The following DNAI7 variants were observed in gnomAD, a reference collection of about 807,000 sequenced individuals.
DNAI7 encodes cancer susceptibility 1.
DNAI7 carries 78 observed loss-of-function variants against 86.6 expected under a neutral mutation model. That is an observed-to-expected ratio of 0.90 (90% CI 0.75 to 1.09). The LOEUF is 1.09. Ranked by LOEUF, DNAI7 falls within the 50% of genes least tolerant of loss-of-function variation. The pLI, the probability that DNAI7 is intolerant of heterozygous loss-of-function variation, is 0.00. For missense variants in DNAI7, 753 were observed against 810.2 expected (o/e 0.93, Z 0.86); for synonymous variants, 274 against 273.0 (o/e 1.00, Z -0.04).
intron 2 of DNAI7, among the ~76,000 whole-genome samples, chr12:25,166,748 C>G (rs144616944): frequency 2.2e-4 from 33 of 152,164 alleles, no homozygotes; most frequent in African/African-American, 3.1e-4. Flanking sequence ...TTCTGTCCAA[C>G]TTGACCTTAC....
chr12:25,176,269 T>C (rs1286814505), intron 2 of DNAI7, among the ~76,000 whole-genome samples: 1 of 152,158 alleles, frequency 6.6e-6, no homozygotes, highest in Admixed American at 6.5e-5. Flanking sequence ...GATCCTTTTA[T>C]ATTTGTTATA....
chr12:25,141,080 T>C (rs578209287), intron 9 of DNAI7, among the ~76,000 whole-genome samples: 11 of 152,260 alleles, frequency 7.2e-5, no homozygotes, highest in African/African-American at 2.6e-4. Context: ...ATCAAAGACT[T>C]AAATCTAAGA....
At chr12:25,110,903 G>C (rs916779831) in intron 14 of DNAI7, among the ~76,000 whole-genome samples, 5 of 151,998 alleles carry the variant, frequency 3.3e-5, no homozygotes, top group African/African-American at 1.2e-4. Context: ...ATAGTGCCTA[G>C]CACACAGTGT....
chr12:25,177,691 G>A (rs147638805), intron 2 of DNAI7, among the ~76,000 whole-genome samples: 5 of 152,166 alleles, frequency 3.3e-5, no homozygotes, highest in East Asian at 1.9e-4. Context: ...TGATGGGTAC[G>A]TACATTTTCA....
In DNAI7 at chr12:25,154,434, T is replaced by C. The variant is rs551948003; in HGVS notation, c.323A>G (p.Asp108Gly). The C allele has an allele frequency of 4.8e-5, 77 of 1,610,010 alleles. No homozygotes were observed. In the Admixed American group the frequency reaches 9.7e-4, roughly 20 times the overall value. ...LSQWKHYIQCDGSPDPSVAQE... is the reference protein window; with the variant it reads ...LSQWKHYIQCGGSPDPSVAQE... ...GGCTACTGAAGGATCAGGACTCCCA[T>C]CACATTGAATGTAGTGCTTCCACTG... Residue 108 changes from aspartate (D) to glycine (G), a missense_variant, in exon 6 of 16, where the codon GAT becomes GGT. Coordinates refer to ENST00000395987, the MANE Select transcript of DNAI7 (RefSeq NM_018272.5).
intron 1 of DNAI7, among the ~76,000 whole-genome samples, chr12:25,193,202 T>C (rs1950692566): frequency 6.6e-6 from 1 of 152,062 alleles, no homozygotes; most frequent in African/African-American, 2.4e-5. Flanking sequence ...CCCCAGTACT[T>C]CAGAATTTGA....
intron 2 of DNAI7, among the ~76,000 whole-genome samples, chr12:25,189,588 GC>G (rs1183042211): frequency 6.6e-6 from 1 of 152,174 alleles, no homozygotes; most frequent in Non-Finnish European, 1.5e-5. Flanking sequence ...GTTGCAGTAA[GC>G]CAAGACCATG....
intron 9 of DNAI7, among the ~76,000 whole-genome samples, chr12:25,125,529 T>C (rs1233813385): frequency 6.6e-6 from 1 of 152,208 alleles, no homozygotes; most frequent in African/African-American, 2.4e-5. Flanking sequence ...GCCAGATGCA[T>C]AGTTTGCAAA....
chr12:25,159,696 T>C (rs1232151025), intron 3 of DNAI7, among the ~76,000 whole-genome samples: 1 of 152,012 alleles, frequency 6.6e-6, no homozygotes, highest in Non-Finnish European at 1.5e-5. Context: ...AAACAAAATG[T>C]GAAGTACATA....
intron 9 of DNAI7, among the ~76,000 whole-genome samples, chr12:25,124,013 A>C (rs16928469): frequency 0.024 from 3,348 of 142,172 alleles, 102 homozygotes; most frequent in African/African-American, 0.081. Context: ...AGATAAATGC[A>C]GTGTTGCTAG....
chr12:25,175,823 T>C (rs1948895253), intron 2 of DNAI7, among the ~76,000 whole-genome samples: 1 of 151,736 alleles, frequency 6.6e-6, no homozygotes, highest in Admixed American at 6.6e-5. Context: ...CTCACACCTG[T>C]AATCCCAGCA....
At position 25,112,995 on chromosome 12, in the gene DNAI7, T is replaced by C. The variant is rs151022139; in HGVS notation, c.1612-1056A>G. Among the ~76,000 whole-genome samples the C allele has an allele frequency of 3.0e-4, 46 of 152,246 alleles. 1 individual carries two copies. The East Asian group carries it at 8.9e-3, about 29-fold the overall frequency. The stretch of plus-strand genomic sequence containing the variant: ...GTGTTTCAATCGTCATATTAATAAG[T>C]GAACTTTGTGAAGATGCTTGTATTT... On this transcript the variant is annotated intron_variant, in intron 13 of 15. Transcript: ENST00000395987.
At chr12:25,117,308 T>C (rs563111194) in intron 12 of DNAI7, among the ~76,000 whole-genome samples, 142 of 152,294 alleles carry the variant, frequency 9.3e-4, no homozygotes, top group Non-Finnish European at 7.4e-4. Flanking sequence ...CAAACAAAAA[T>C]GTAGAGCACC....
chr12:25,139,688 G>A (rs1473032312), intron 9 of DNAI7, among the ~76,000 whole-genome samples: 1 of 152,054 alleles, frequency 6.6e-6, no homozygotes, highest in Non-Finnish European at 1.5e-5. Context: ...TCACACACTG[G>A]GGCCTGTCGG....
At chr12:25,112,281 A>G (rs1565616160) in intron 13 of DNAI7, among the ~76,000 whole-genome samples, 1 of 152,080 alleles carries the variant, frequency 6.6e-6, no homozygotes, top group African/African-American at 2.4e-5. Context: ...TTATGATTAT[A>G]CTTTTAGGGA....
chr12:25,157,035 T>G (rs1415314793), intron 4 of DNAI7, among the ~76,000 whole-genome samples: 1 of 152,130 alleles, frequency 6.6e-6, no homozygotes, highest in African/African-American at 2.4e-5. Context: ...ACACCTGTAA[T>G]CCCAGCACTT....
Position 25,164,908 on chromosome 12 carries a change from G to A in DNAI7, c.22-3711C>T, listed in dbSNP as rs1592557050. Among the ~76,000 whole-genome samples, 3 of 124,556 alleles carry A rather than the reference G, an allele frequency of 2.4e-5. No individual in the cohort carries two copies. The East Asian group carries it at 7.1e-4, about 30-fold the overall frequency. 81.7% of individuals were successfully genotyped at this position (124,556 alleles called of 152,430 possible). A position where few individuals can be genotyped will look rare whatever the true frequency, so the allele number is the denominator to read the frequency against. Reference sequence around the variant, plus strand: ...CCCTCCTCACACCCGGTCCGGCTTAGTTTCGTTCCGCGACTAGCCCTCCCC... The same window carrying A: ...CCCTCCTCACACCCGGTCCGGCTTAATTTCGTTCCGCGACTAGCCCTCCCC... On this transcript the variant is annotated intron_variant, in intron 2 of 15. Transcript: ENST00000395987.
intron 12 of DNAI7, among the ~76,000 whole-genome samples, chr12:25,115,954 T>C (rs1021307811): frequency 2.6e-5 from 4 of 152,242 alleles, no homozygotes; most frequent in Admixed American, 6.5e-5. Context: ...TCGTGCTCTA[T>C]AGCACTTTAC....
chr12:25,136,374 AG>A (rs963401800), intron 9 of DNAI7, among the ~76,000 whole-genome samples: 2 of 152,208 alleles, frequency 1.3e-5, no homozygotes, highest in African/African-American at 4.8e-5. Flanking sequence ...GAGCCCATCA[AG>A]GGATCACCCT....
Sources: allele counts gnomAD v4.1 joint callset (sites outside exome capture counted in the v4.1 genomes callset), GRCh38; gene constraint gnomAD v4.1.1; transcripts MANE v1.5; gene names NCBI Gene and HGNC (gene_info 2026-07-23, HGNC 2026-07-21).